SLC9A9: variants seen among roughly 807,000 people sequenced by gnomAD.
SLC9A9 encodes sodium/hydrogen exchanger 9.
A neutral mutation model predicts 77.8 loss-of-function variants in SLC9A9; 62 were observed. The observed-to-expected ratio is 0.80, with a 90% CI of 0.65 to 0.98. The LOEUF (loss-of-function observed/expected upper bound fraction) is 0.98. SLC9A9 is among the 50% of genes least tolerant of loss of function. The pLI is 0.00. For synonymous variants in SLC9A9, 320 were observed against 283.5 expected (o/e 1.13, Z -1.29); for missense variants, 775 against 774.9 (o/e 1.00, Z 0.00).
chr3:143,450,618 A>C (rs925180110), intron 12 of SLC9A9, among the ~76,000 whole-genome samples: 1 of 152,120 alleles, frequency 6.6e-6, no homozygotes, highest in African/African-American at 2.4e-5. Flanking sequence ...TGAAAAGTAA[A>C]GATTACTGTT....
chr3:143,748,386 A>G (rs1219701497), intron 4 of SLC9A9, among the ~76,000 whole-genome samples: 1 of 152,172 alleles, frequency 6.6e-6, no homozygotes, highest in Non-Finnish European at 1.5e-5. Context: ...AACTGTCCTC[A>G]TTAAGATGCT....
chr3:143,581,741 A>G (rs906945999), intron 6 of SLC9A9, among the ~76,000 whole-genome samples: 4 of 152,326 alleles, frequency 2.6e-5, no homozygotes, highest in Non-Finnish European at 4.4e-5. Flanking sequence ...ACAGGAGTTC[A>G]GGTACTAGAA....
chr3:143,370,605 T>G (rs1281473258), intron 13 of SLC9A9, among the ~76,000 whole-genome samples: 4 of 85,984 alleles, frequency 4.7e-5, no homozygotes, highest in Non-Finnish European at 1.0e-4. Flanking sequence ...ACACACACCC[T>G]AACAAATAAT....
At chr3:143,581,842 G>T (rs376502990) in intron 6 of SLC9A9, among the ~76,000 whole-genome samples, 2 of 152,172 alleles carry the variant, frequency 1.3e-5, no homozygotes, top group Non-Finnish European at 2.9e-5. Context: ...CAACAGCACC[G>T]TCTCTCCTGG....
In SLC9A9 at chr3:143,822,616, A is replaced by T. The variant is rs544111903; in HGVS notation, c.378+9403T>A. Among the ~76,000 whole-genome samples, 3 of 152,284 alleles carry T rather than the reference A, an allele frequency of 2.0e-5. No individual in the cohort carries two copies. The East Asian group carries it at 5.8e-4, about 29-fold the overall frequency. Reference sequence around the variant, plus strand: ...GTTACTAAACAGGAGCTTCCTAATGACCTCAGGAGAGAACAGGGAAATGCA... The same window carrying T: ...GTTACTAAACAGGAGCTTCCTAATGTCCTCAGGAGAGAACAGGGAAATGCA... On this transcript the variant is annotated intron_variant, in intron 2 of 15. Coordinates refer to ENST00000316549, the MANE Select transcript of SLC9A9 (RefSeq NM_173653.4).
chr3:143,279,217 G>T (rs1938143397), intron 14 of SLC9A9, among the ~76,000 whole-genome samples: 1 of 152,130 alleles, frequency 6.6e-6, no homozygotes, highest in African/African-American at 2.4e-5. Context: ...CTGAAGGTTT[G>T]CTTCTCTTCT....
At chr3:143,739,796 A>T (rs1051899853) in intron 4 of SLC9A9, among the ~76,000 whole-genome samples, 3 of 152,222 alleles carry the variant, frequency 2.0e-5, no homozygotes, top group Non-Finnish European at 4.4e-5. Flanking sequence ...CCACAGCTTC[A>T]GTATCTCCTG....
At chr3:143,594,566 A>G (rs1400095362) in intron 6 of SLC9A9, among the ~76,000 whole-genome samples, 2 of 152,110 alleles carry the variant, frequency 1.3e-5, no homozygotes, top group Non-Finnish European at 2.9e-5. Flanking sequence ...GCTCTTCTGC[A>G]TTTTGATGCT....
intron 14 of SLC9A9, among the ~76,000 whole-genome samples, chr3:143,359,651 C>T (rs2032689817): frequency 6.6e-6 from 1 of 152,088 alleles, no homozygotes; most frequent in Non-Finnish European, 1.5e-5. Context: ...TGACTTGAGC[C>T]TTCTTATGGC....
intron 4 of SLC9A9, among the ~76,000 whole-genome samples, chr3:143,754,936 C>T (rs1560064518): frequency 6.6e-6 from 1 of 152,180 alleles, no homozygotes; most frequent in South Asian, 2.1e-4. Context: ...TGTCGCCTAA[C>T]ATAGCATTTA....
chr3:143,323,232 A>G (rs888333271), intron 14 of SLC9A9, among the ~76,000 whole-genome samples: 4 of 152,360 alleles, frequency 2.6e-5, no homozygotes, highest in South Asian at 4.1e-4. Flanking sequence ...CTGGGAATCT[A>G]CCCAAAGTAG....
chr3:143,548,659 C>T lies in SLC9A9; in HGVS notation c.1089+3703G>A, dbSNP rs148040240. Among the ~76,000 whole-genome samples the T allele has an allele frequency of 3.1e-3, 472 of 152,258 alleles. 2 individuals carry two copies. Among genetic ancestry groups the T allele is most frequent in the African/African-American group, 9.7e-3 (402 of 41,560 alleles). ...CGTAACAGCATCATAGTGCCTCTGT[C>T]ATACTGCTTTTTGCCTAACACATAG... On this transcript the variant is annotated intron_variant, in intron 9 of 15. Transcript: ENST00000316549.
At chr3:143,538,932 T>C (rs1449227435) in intron 9 of SLC9A9, among the ~76,000 whole-genome samples, 1 of 152,246 alleles carries the variant, frequency 6.6e-6, no homozygotes, top group Non-Finnish European at 1.5e-5. Context: ...GAAGCATTCC[T>C]TTATTTTTCA....
intron 14 of SLC9A9, among the ~76,000 whole-genome samples, chr3:143,330,677 C>T (rs141731926): frequency 6.6e-6 from 1 of 152,342 alleles, no homozygotes; most frequent in Non-Finnish European, 1.5e-5. Context: ...TTCCACAATG[C>T]TTAACTGTGT....
intron 9 of SLC9A9, among the ~76,000 whole-genome samples, chr3:143,527,065 C>T (rs1218931399): frequency 6.6e-6 from 1 of 152,284 alleles, no homozygotes; most frequent in East Asian, 1.9e-4. Context: ...GAAACACCCT[C>T]TATGCAGTTT....
At chr3:143,393,398 C>A (rs1161443422) in intron 12 of SLC9A9, among the ~76,000 whole-genome samples, 1 of 152,120 alleles carries the variant, frequency 6.6e-6, no homozygotes, top group South Asian at 2.1e-4. Context: ...TTCTTTGAAA[C>A]CAATGAGAAC....
chr3:143,688,582 G>T (rs1390065499), intron 5 of SLC9A9, among the ~76,000 whole-genome samples: 2 of 152,076 alleles, frequency 1.3e-5, no homozygotes, highest in Admixed American at 6.6e-5. Context: ...GCTTCCAGTG[G>T]CTGCCAAGGG....
intron 12 of SLC9A9, among the ~76,000 whole-genome samples, chr3:143,423,257 A>G (rs982014374): frequency 1.4e-5 from 2 of 138,362 alleles, no homozygotes; most frequent in African/African-American, 5.6e-5. Flanking sequence ...GTACACACAC[A>G]CACACACACA....
intron 4 of SLC9A9, among the ~76,000 whole-genome samples, chr3:143,735,850 A>T (rs1273864831): frequency 6.6e-6 from 1 of 152,246 alleles, no homozygotes; most frequent in African/African-American, 2.4e-5. Flanking sequence ...CTACCATGTG[A>T]CATTGAGCAA....
Sources: allele counts gnomAD v4.1 joint callset (sites outside exome capture counted in the v4.1 genomes callset), GRCh38; gene constraint gnomAD v4.1.1; transcripts MANE v1.5; gene names NCBI Gene and HGNC (gene_info 2026-07-23, HGNC 2026-07-21).